FMN1: variants seen among roughly 807,000 people sequenced by gnomAD.
The protein encoded by FMN1 is formin 1.
A neutral mutation model predicts 132.4 loss-of-function variants in FMN1; 110 were observed. That is an observed-to-expected ratio of 0.83 (90% CI 0.71 to 0.97). The LOEUF (loss-of-function observed/expected upper bound fraction) is 0.97, where lower values mean the gene tolerates loss of function less well. Ranked by LOEUF, FMN1 falls within the 50% of genes least tolerant of loss-of-function variation. The pLI, the probability that FMN1 is intolerant of heterozygous loss-of-function variation, is 0.00. For synonymous variants in FMN1, 722 were observed against 651.7 expected (o/e 1.11, Z -1.64); for missense variants, 1,792 against 1,705.3 (o/e 1.05, Z -0.90).
chr15:32,912,540 A>G (rs1272789648), intron 10 of FMN1, among the ~76,000 whole-genome samples: 1 of 152,236 alleles, frequency 6.6e-6, no homozygotes, highest in Non-Finnish European at 1.5e-5. Flanking sequence ...ATAATTTCAG[A>G]TAACAATTTA....
intron 12 of FMN1, among the ~76,000 whole-genome samples, chr15:32,904,668 G>A (rs968968943): frequency 2.0e-5 from 3 of 152,112 alleles, no homozygotes; most frequent in Non-Finnish European, 4.4e-5. Flanking sequence ...GTTTTGGCGT[G>A]GATATTGGGT....
At chr15:32,867,740 C>CA (rs1736394413) in intron 16 of FMN1, among the ~76,000 whole-genome samples, 1 of 152,192 alleles carries the variant, frequency 6.6e-6, no homozygotes, top group South Asian at 2.1e-4. Flanking sequence ...ATCTGCCCGC[C>CA]TCGGCCTCCC....
chr15:32,951,665 G>A (rs1456498809), intron 9 of FMN1, among the ~76,000 whole-genome samples: 2 of 152,182 alleles, frequency 1.3e-5, no homozygotes, highest in African/African-American at 2.4e-5. Context: ...CACCATTGAT[G>A]TGCCAAGCCC....
chr15:33,130,079 G>T (rs1296622435), intron 4 of FMN1, among the ~76,000 whole-genome samples: 2 of 152,152 alleles, frequency 1.3e-5, no homozygotes, highest in Non-Finnish European at 2.9e-5. Context: ...TGATCCACCT[G>T]CCTTGGCCTT....
At chr15:32,856,449 A>G (rs2059132906) in intron 17 of FMN1, among the ~76,000 whole-genome samples, 1 of 152,246 alleles carries the variant, frequency 6.6e-6, no homozygotes. Context: ...GATTTCAAAG[A>G]AAGTGTGGAG....
At position 32,839,309 on chromosome 15, in the gene FMN1, G is replaced by A. The variant is rs545834507; in HGVS notation, c.3928+17706C>T. Among the ~76,000 whole-genome samples, 14 of 152,184 alleles carry A rather than the reference G, an allele frequency of 9.2e-5. No homozygotes were observed. In the East Asian group the frequency reaches 1.6e-3, roughly 17 times the overall value. On this transcript the variant is annotated intron_variant, in intron 17 of 20. Transcript: ENST00000616417. ...CACGTAAAAGTCTCAACCACGGAGC[G>A]TCAGCACCAACCCACCCTTCAGGCG...
At chr15:32,861,882 G>A (rs558005065) in intron 16 of FMN1, among the ~76,000 whole-genome samples, 1 of 152,286 alleles carries the variant, frequency 6.6e-6, no homozygotes, top group African/African-American at 2.4e-5. Context: ...TCTGAGCTTC[G>A]CGGTTTTGAA....
chr15:32,944,589 T>C (rs149303347), intron 9 of FMN1, among the ~76,000 whole-genome samples: 125 of 152,334 alleles, frequency 8.2e-4, no homozygotes, highest in African/African-American at 3.0e-3. Flanking sequence ...TTTAAGGATC[T>C]AGGCTCTTCA....
At chr15:32,964,038 C>T (rs1306281221) in intron 9 of FMN1, 69 bp downstream of exon 9, 3 of 1,125,830 alleles carry the variant, frequency 2.7e-6, no homozygotes. Context: ...CACACACACA[C>T]ACACACACAC....
Position 32,960,995 on chromosome 15 carries a change from CAAAAAAAAAAAAA to C in FMN1, c.3138+3099_3138+3111del, listed in dbSNP as rs539245532. Among the ~76,000 whole-genome samples the C allele has an allele frequency of 6.8e-5, 4 of 59,096 alleles. No individual in the cohort carries two copies. In the South Asian group the frequency reaches 4.1e-3, roughly 61 times the overall value. The allele number at this position is 59,096 out of a possible 152,430, so 38.8% of individuals were successfully genotyped here. On this transcript the variant is annotated intron_variant, in intron 9 of 20. Transcript: ENST00000616417. ...AGATGACAAGAGTGAGACTCCGTCT[CAAAAAAAAAAAAA>C]AAAAAAAAAAAGGCAGGGTTGATGG...
At chr15:32,981,249 T>TG (rs1450007783) in intron 7 of FMN1, among the ~76,000 whole-genome samples, 2 of 152,050 alleles carry the variant, frequency 1.3e-5, no homozygotes, top group Admixed American at 6.6e-5. Flanking sequence ...CCCAGCACTT[T>TG]GGGAGGCGGA....
At chr15:32,847,716 G>A (rs984782901) in intron 17 of FMN1, among the ~76,000 whole-genome samples, 6 of 152,148 alleles carry the variant, frequency 3.9e-5, no homozygotes, top group African/African-American at 9.7e-5. Flanking sequence ...TTAGCCAGGC[G>A]TAGTGGCGGG....
chr15:33,139,514 C>A (rs1404517901), intron 4 of FMN1, among the ~76,000 whole-genome samples: 2 of 152,204 alleles, frequency 1.3e-5, no homozygotes, highest in Non-Finnish European at 2.9e-5. Context: ...TCACTTGAAT[C>A]CGGGAGGTGG....
intron 17 of FMN1, among the ~76,000 whole-genome samples, chr15:32,818,656 T>C (rs181771533): frequency 6.6e-6 from 1 of 152,270 alleles, no homozygotes; most frequent in Admixed American, 6.5e-5. Context: ...TAATATATAC[T>C]ACTTATTCTG....
chr15:32,969,599 T>C (rs974820753), intron 7 of FMN1, 122 bp from the exon 8 acceptor site: 2 of 1,099,202 alleles, frequency 1.8e-6, no homozygotes, highest in Non-Finnish European at 2.6e-6. Context: ...TGCAGGGAAA[T>C]ACAGAGACAT....
chr15:32,947,582 T>C (rs903945495), intron 9 of FMN1, among the ~76,000 whole-genome samples: 1 of 152,098 alleles, frequency 6.6e-6, no homozygotes, highest in African/African-American at 2.4e-5. Context: ...TGAAATGACT[T>C]TGAAACTAGA....
intron 19 of FMN1, 26 bp from the exon 20 acceptor site, chr15:32,776,945 G>A (rs1258123007): frequency 7.4e-7 from 1 of 1,355,610 alleles, no homozygotes; most frequent in Admixed American, 1.9e-5. Flanking sequence ...GGAAAAGACA[G>A]GGGAGAGAGG....
intron 16 of FMN1, among the ~76,000 whole-genome samples, chr15:32,880,116 C>G (rs949356662): frequency 2.6e-5 from 4 of 151,932 alleles, no homozygotes; most frequent in African/African-American, 9.7e-5. Context: ...ACTCCCGCCT[C>G]TTCACTTCCA....
intron 4 of FMN1, among the ~76,000 whole-genome samples, chr15:33,123,971 C>T (rs1962809795): frequency 6.6e-6 from 1 of 152,216 alleles, no homozygotes; most frequent in Non-Finnish European, 1.5e-5. Flanking sequence ...CAATTAGATT[C>T]TTCCAGCTCA....
Sources: allele counts gnomAD v4.1 joint callset (sites outside exome capture counted in the v4.1 genomes callset), GRCh38; gene constraint gnomAD v4.1.1; transcripts MANE v1.5; gene names NCBI Gene and HGNC (gene_info 2026-07-23, HGNC 2026-07-21).